ATP2B2: variants seen among roughly 807,000 people sequenced by gnomAD.
ATP2B2 encodes the protein ATPase plasma membrane Ca2+ transporting 2, also known as plasma membrane calcium-transporting ATPase 2.
In ATP2B2, 15 loss-of-function variants were observed where a neutral mutation model predicts 120.0. The ratio of observed to expected loss-of-function variants is 0.12; its 90% confidence interval spans 0.08 to 0.19. The LOEUF is 0.19. ATP2B2 is among the 10% of genes least tolerant of loss of function. The probability of loss-of-function intolerance (pLI) is 1.00; values close to 1 mark genes in which losing one functional copy is unlikely to be tolerated. For synonymous variants in ATP2B2, 694 were observed against 700.3 expected (o/e 0.99, Z 0.14); for missense variants, 1,045 against 1,719.8 (o/e 0.61, Z 6.94).
chr3:10,441,032 T>A (rs191103277), intron 2 of ATP2B2, among the ~76,000 whole-genome samples: 175 of 152,368 alleles, frequency 1.1e-3, no homozygotes, highest in African/African-American at 3.9e-3. Flanking sequence ...GGCTAGTAAC[T>A]AGTAGCACAG....
chr3:10,333,924 G>A (rs546352257), intron 22 of ATP2B2, among the ~76,000 whole-genome samples: 5 of 152,326 alleles, frequency 3.3e-5, no homozygotes, highest in Admixed American at 2.0e-4. Context: ...ATCTGGCCTC[G>A]AAGGAGGTCA....
At chr3:10,589,217 G>A (rs1244926202) in intron 2 of ATP2B2, among the ~76,000 whole-genome samples, 3 of 152,174 alleles carry the variant, frequency 2.0e-5, no homozygotes, top group Non-Finnish European at 2.9e-5. Context: ...CCACTCTAGG[G>A]GATAAATGGA....
intron 2 of ATP2B2, among the ~76,000 whole-genome samples, chr3:10,552,561 C>T (rs1402544582): frequency 6.6e-6 from 1 of 152,226 alleles, no homozygotes; most frequent in African/African-American, 2.4e-5. Flanking sequence ...TGAGCAACAG[C>T]TATGTGCTGG....
intron 2 of ATP2B2, among the ~76,000 whole-genome samples, chr3:10,601,719 G>T (rs1364741648): frequency 6.6e-6 from 1 of 152,202 alleles, no homozygotes; most frequent in East Asian, 1.9e-4. Context: ...CCAGGAGCCT[G>T]CATGTACACA....
At chr3:10,693,175 A>G (rs35816611) in intron 1 of ATP2B2, among the ~76,000 whole-genome samples, 5,005 of 152,242 alleles carry the variant, frequency 0.033, 138 homozygotes, top group South Asian at 0.13. Context: ...TGACAATCAC[A>G]CTTTTTGGGG....
At chr3:10,503,848 G>C (rs956971443) in intron 1 of ATP2B2, among the ~76,000 whole-genome samples, 2 of 152,210 alleles carry the variant, frequency 1.3e-5, no homozygotes, top group African/African-American at 4.8e-5. Flanking sequence ...CTGCTTTCCC[G>C]TGTTAGTGCT....
At chr3:10,559,751 G>A (rs1164001303) in intron 2 of ATP2B2, among the ~76,000 whole-genome samples, 1 of 152,188 alleles carries the variant, frequency 6.6e-6, no homozygotes, top group Non-Finnish European at 1.5e-5. Context: ...TTGGGCTTGA[G>A]GTTTAAAGAA....
At position 10,346,153 on chromosome 3, in the gene ATP2B2, T is replaced by C. The variant is rs1161075601; in HGVS notation, c.2405-16A>G. ...TCGATGATGCCTGTTGGGGCAGGAG[T>C]GTGCTCAGGCCCTGGGCCACTCAGG... is the stretch of plus-strand genomic sequence containing the variant. On this transcript the variant is annotated splice_polypyrimidine_tract_variant and intron_variant, in intron 16 of 22. Coordinates refer to ENST00000360273, the MANE Select transcript of ATP2B2 (RefSeq NM_001001331.4). This position sits in a 1 kb window ranked among gnomAD's most constrained non-coding sequence, Gnocchi z 4.1. The C allele has an allele frequency of 6.2e-7, 1 of 1,607,540 alleles. No homozygotes were observed. Among genetic ancestry groups the C allele is most frequent in the Non-Finnish European group, 8.5e-7 (1 of 1,179,412 alleles).
intron 1 of ATP2B2, among the ~76,000 whole-genome samples, chr3:10,641,276 G>A (rs1036087394): frequency 6.6e-6 from 1 of 152,180 alleles, no homozygotes; most frequent in Non-Finnish European, 1.5e-5. Flanking sequence ...CTGACTAGAG[G>A]AGTAGTGTCT....
intron 2 of ATP2B2, among the ~76,000 whole-genome samples, chr3:10,609,415 G>C (rs1440798311): frequency 6.6e-6 from 1 of 152,246 alleles, no homozygotes; most frequent in Non-Finnish European, 1.5e-5. Context: ...GCATCGATCA[G>C]CCCTGCTACT....
chr3:10,405,559 G>A (rs1045405127), intron 3 of ATP2B2, among the ~76,000 whole-genome samples: 1 of 152,112 alleles, frequency 6.6e-6, no homozygotes, highest in African/African-American at 2.4e-5. Flanking sequence ...AGGGGAGTGG[G>A]TGGGTCCTGC....
intron 14 of ATP2B2, among the ~76,000 whole-genome samples, chr3:10,353,296 T>C (rs2060627777): frequency 6.6e-6 from 1 of 152,136 alleles, no homozygotes; most frequent in Non-Finnish European, 1.5e-5. Flanking sequence ...ACTGTTGCTT[T>C]AGAAGAAAGT....
rs181384231 is a variant in ATP2B2, at chr3:10,663,711, C to T, written c.-459-43750G>A. ...AGCTGCAGGAGGGGAGTGCAGACAGCGGCATAGAGGGGGTCCAAGCTGAGC... is the reference window on the plus strand; with the variant it reads ...AGCTGCAGGAGGGGAGTGCAGACAGTGGCATAGAGGGGGTCCAAGCTGAGC... On this transcript the variant is annotated intron_variant, in intron 1 of 21. Transcript: ENST00000646379. Among the ~76,000 whole-genome samples, 237 of 152,198 alleles carry T rather than the reference C, an allele frequency of 1.6e-3. 2 individuals carry two copies. Among genetic ancestry groups the T allele is most frequent in the African/African-American group, 4.4e-3 (182 of 41,512 alleles).
intron 1 of ATP2B2, among the ~76,000 whole-genome samples, chr3:10,480,935 T>A (rs1234787938): frequency 6.6e-6 from 1 of 152,226 alleles, no homozygotes; most frequent in African/African-American, 2.4e-5. Flanking sequence ...GAGGGCCCCG[T>A]CACCCCTCCC....
chr3:10,496,330 G>A lies in ATP2B2; in HGVS notation c.-320+9135C>T, dbSNP rs567928178. ...CCAGCTGCTGGGAGCTAGAGCTCCC[G>A]GCTGCCCCTTCTTTGCAGGCTTGCC... On this transcript the variant is annotated intron_variant, in intron 1 of 22. Transcript: ENST00000360273. Among the ~76,000 whole-genome samples the A allele has an allele frequency of 3.7e-4, 57 of 152,190 alleles. 1 individual carries two copies. Among genetic ancestry groups the A allele is most frequent in the East Asian group, 1.2e-3 (6 of 5,168 alleles).
chr3:10,444,226 T>C (rs994580015), intron 2 of ATP2B2, among the ~76,000 whole-genome samples: 1 of 152,204 alleles, frequency 6.6e-6, no homozygotes, highest in Non-Finnish European at 1.5e-5. Flanking sequence ...CCCCCACGCA[T>C]GACCCTGCCC....
chr3:10,373,867 G>A (rs955119841), intron 11 of ATP2B2, among the ~76,000 whole-genome samples: 31 of 152,136 alleles, frequency 2.0e-4, no homozygotes, highest in African/African-American at 7.0e-4. Flanking sequence ...GAGTCACCAC[G>A]TCTGGCTGCT....
chr3:10,525,750 C>T (rs1368430455), intron 3 of ATP2B2, among the ~76,000 whole-genome samples: 1 of 152,016 alleles, frequency 6.6e-6, no homozygotes, highest in Non-Finnish European at 1.5e-5. Flanking sequence ...GTGGTTACAC[C>T]AGTGTAAACC....
chr3:10,344,250 C>A (rs370610521), intron 18 of ATP2B2, among the ~76,000 whole-genome samples: 2 of 152,186 alleles, frequency 1.3e-5, no homozygotes, highest in African/African-American at 4.8e-5. Context: ...CTCAGAATCT[C>A]AGTTTCCCTA....
Sources: allele counts gnomAD v4.1 joint callset (sites outside exome capture counted in the v4.1 genomes callset), GRCh38; gene constraint gnomAD v4.1.1; non-coding constraint Gnocchi (gnomAD v3.1); transcripts MANE v1.5; gene names NCBI Gene and HGNC (gene_info 2026-07-23, HGNC 2026-07-21).